NRXN1: variants seen among roughly 807,000 people sequenced by gnomAD.
The protein encoded by NRXN1 is neurexin-1.
Under a neutral mutation model 150.9 loss-of-function variants are expected in NRXN1, and 39 were observed. The observed-to-expected ratio is 0.26, with a 90% CI of 0.20 to 0.34. NRXN1 has a LOEUF of 0.34. NRXN1 is among the 10% of genes least tolerant of loss of function. NRXN1 has a pLI of 1.00. For missense variants in NRXN1, 1,815 were observed against 1,949.9 expected, an observed-to-expected ratio of 0.93 and a Z score of 1.30; for synonymous variants, 924 against 757.0, an observed-to-expected ratio of 1.22 and a Z score of -3.62.
At chr2:49,963,758 C>A (rs1676421487) in intron 21 of NRXN1, among the ~76,000 whole-genome samples, 1 of 152,174 alleles carries the variant, frequency 6.6e-6, no homozygotes, top group Non-Finnish European at 1.5e-5. Context: ...CAATTACTTT[C>A]ATTAAAATGT....
chr2:50,718,446 C>T (rs1225704450), intron 5 of NRXN1, among the ~76,000 whole-genome samples: 1 of 152,096 alleles, frequency 6.6e-6, no homozygotes, highest in Non-Finnish European at 1.5e-5. Context: ...AACATGTAAA[C>T]TGTTTACAGT....
chr2:50,129,099 G>C (rs1364998456), intron 18 of NRXN1, among the ~76,000 whole-genome samples: 2 of 152,116 alleles, frequency 1.3e-5, no homozygotes, highest in African/African-American at 4.8e-5. Context: ...CTATGATTTT[G>C]CTGATCTCTT....
chr2:50,867,331 G>T (rs1337813504), intron 5 of NRXN1, among the ~76,000 whole-genome samples: 1 of 151,752 alleles, frequency 6.6e-6, no homozygotes, highest in East Asian at 2.0e-4. Context: ...TGCTTTGATG[G>T]CTCATTGAAA....
At chr2:50,749,312 T>C (rs1392507360) in intron 5 of NRXN1, among the ~76,000 whole-genome samples, 3 of 152,088 alleles carry the variant, frequency 2.0e-5, no homozygotes, top group African/African-American at 7.2e-5. Context: ...TTGTTCAGAA[T>C]TGGACTAGTT....
rs79921936 is a variant in NRXN1, at chr2:50,603,277, G to T, written c.1320+16745C>A. On this transcript the variant is annotated intron_variant, in intron 8 of 22. Transcript: ENST00000401669. ...CCAGCTTCAGGTTTAAAGCAGTGAA[G>T]CTGTTTGATGGAAACCTGTAAAACT... 3.7e-3 allele frequency among the ~76,000 whole-genome samples: 570 copies of T among 152,272 alleles called. 3 individuals carry two copies. The highest frequency in any genetic ancestry group is 7.5e-3 in the Non-Finnish European group (511 of 68,018).
chr2:50,322,625 G>A (rs998883162), intron 17 of NRXN1, among the ~76,000 whole-genome samples: 1 of 152,032 alleles, frequency 6.6e-6, no homozygotes, highest in Non-Finnish European at 1.5e-5. Context: ...ATTTAAATAC[G>A]CATTCATTCC....
chr2:50,040,147 G>A (rs1300490063), intron 21 of NRXN1, among the ~76,000 whole-genome samples: 1 of 152,016 alleles, frequency 6.6e-6, no homozygotes, highest in East Asian at 1.9e-4. Flanking sequence ...AACATCCCTG[G>A]AAATAAAATG....
At chr2:50,283,786 T>G (rs889498645) in intron 17 of NRXN1, among the ~76,000 whole-genome samples, 13 of 152,164 alleles carry the variant, frequency 8.5e-5, no homozygotes, top group African/African-American at 2.2e-4. Context: ...CCTCCTGTAT[T>G]TCAATGGACA....
At chr2:50,683,030 G>A (rs1690640570) in intron 5 of NRXN1, among the ~76,000 whole-genome samples, 1 of 152,058 alleles carries the variant, frequency 6.6e-6, no homozygotes, top group Non-Finnish European at 1.5e-5. Flanking sequence ...GGCCTACAAA[G>A]TACAGTGAGT....
intron 17 of NRXN1, among the ~76,000 whole-genome samples, chr2:50,308,373 A>G (rs188887339): frequency 4.6e-5 from 7 of 152,178 alleles, no homozygotes; most frequent in Admixed American, 2.6e-4. Flanking sequence ...TCTTTTGCCC[A>G]GGCTGGAGTG....
intron 17 of NRXN1, among the ~76,000 whole-genome samples, chr2:50,343,211 A>G (rs2077680510): frequency 6.6e-6 from 1 of 152,110 alleles, no homozygotes; most frequent in African/African-American, 2.4e-5. Context: ...TTATCTCCTG[A>G]AATTATTGAG....
At chr2:50,455,343 G>T (rs1439303294) in intron 17 of NRXN1, among the ~76,000 whole-genome samples, 1 of 152,176 alleles carries the variant, frequency 6.6e-6, no homozygotes, top group Non-Finnish European at 1.5e-5. Context: ...CAGGGACTCA[G>T]ATACCGTAGG....
At chr2:50,170,427 C>A (rs2152800302) in intron 18 of NRXN1, among the ~76,000 whole-genome samples, 1 of 152,226 alleles carries the variant, frequency 6.6e-6, no homozygotes, top group East Asian at 1.9e-4. Context: ...TCCTGAGTAG[C>A]TGGGACTACA....
intron 2 of NRXN1, among the ~76,000 whole-genome samples, chr2:50,953,366 A>G (rs2104610521): frequency 6.6e-6 from 1 of 152,308 alleles, no homozygotes; most frequent in South Asian, 2.1e-4. Flanking sequence ...GTCAATAAGT[A>G]TAGTTCATTT....
intron 21 of NRXN1, among the ~76,000 whole-genome samples, chr2:50,035,352 T>C (rs1239580105): frequency 1.3e-5 from 2 of 152,104 alleles, no homozygotes; most frequent in African/African-American, 4.8e-5. Flanking sequence ...CTCTACCCAC[T>C]TACTGAAAAG....
intron 17 of NRXN1, among the ~76,000 whole-genome samples, chr2:50,381,284 AAGT>A (rs778930909): frequency 1.3e-5 from 2 of 152,048 alleles, no homozygotes; most frequent in African/African-American, 2.4e-5. Context: ...TTCATAAATG[AAGT>A]AGTAGTCTCA....
intron 9 of NRXN1, among the ~76,000 whole-genome samples, chr2:50,545,149 C>T (rs946776003): frequency 6.6e-5 from 10 of 152,140 alleles, no homozygotes; most frequent in East Asian, 1.9e-4. Context: ...TAAGGGGAAA[C>T]GCTTCACTTA....
chr2:50,443,574 A>G (rs2086151428), intron 17 of NRXN1, among the ~76,000 whole-genome samples: 2 of 152,186 alleles, frequency 1.3e-5, no homozygotes, highest in Non-Finnish European at 2.9e-5. Flanking sequence ...CTAGTTTGCA[A>G]TGTGCCTCTA....
intron 21 of NRXN1, among the ~76,000 whole-genome samples, chr2:50,003,854 T>C (rs1558672528): frequency 1.3e-5 from 2 of 152,126 alleles, no homozygotes. Context: ...GTACATACTT[T>C]CATGTCATTC....
Sources: gnomAD v4.1 joint callset for allele counts (sites outside exome capture counted in the v4.1 genomes callset) on GRCh38, gnomAD v4.1.1 for gene constraint, MANE v1.5 for transcripts, NCBI Gene and HGNC (gene_info 2026-07-23, HGNC 2026-07-21) for gene names.